LDB2: variants seen among roughly 807,000 people sequenced by gnomAD.
LDB2 encodes the protein LIM domain binding 2.
LDB2 carries 12 observed loss-of-function variants against 44.3 expected under a neutral mutation model. The observed-to-expected ratio is 0.27, with a 90% CI of 0.17 to 0.44. The LOEUF is 0.44. Ranked by LOEUF, LDB2 falls within the 20% of genes least tolerant of loss-of-function variation. The pLI is 1.00. For missense variants in LDB2, 344 were observed against 473.5 expected, an observed-to-expected ratio of 0.73 and a Z score of 2.54; for synonymous variants, 164 against 174.8, an observed-to-expected ratio of 0.94 and a Z score of 0.49.
intron 5 of LDB2, among the ~76,000 whole-genome samples, chr4:16,531,123 A>G (rs1482577225): frequency 6.6e-6 from 1 of 152,204 alleles, no homozygotes; most frequent in Admixed American, 6.5e-5. Context: ...AGCAAACAGC[A>G]GGTGCTCCAT....
intron 5 of LDB2, among the ~76,000 whole-genome samples, chr4:16,512,999 T>TC (rs1339550083): frequency 1.3e-5 from 2 of 152,350 alleles, no homozygotes; most frequent in African/African-American, 4.8e-5. Context: ...TGCACATTAA[T>TC]CACTATTGCA....
intron 5 of LDB2, among the ~76,000 whole-genome samples, chr4:16,571,172 G>A (rs1438588433): frequency 1.3e-5 from 2 of 152,198 alleles, no homozygotes; most frequent in Non-Finnish European, 1.5e-5. Flanking sequence ...GAGTGCAGTG[G>A]GCTGTCACCA....
At chr4:16,669,090 G>C (rs141047877) in intron 2 of LDB2, among the ~76,000 whole-genome samples, 1 of 152,338 alleles carries the variant, frequency 6.6e-6, no homozygotes, top group East Asian at 1.9e-4. Context: ...GCTGTTACCA[G>C]AAAGTGGAGA....
chr4:16,557,145 G>A (rs1560463885), intron 5 of LDB2, among the ~76,000 whole-genome samples: 2 of 152,224 alleles, frequency 1.3e-5, no homozygotes, highest in African/African-American at 4.8e-5. Context: ...CAGCGTGAGC[G>A]ACGCAGAAGA....
chr4:16,664,502 C>T lies in LDB2; in HGVS notation c.236-68627G>A, dbSNP rs1236342061. 4.6e-5 allele frequency among the ~76,000 whole-genome samples: 7 copies of T among 152,168 alleles called. No homozygotes were observed. In the South Asian group the frequency reaches 6.2e-4, roughly 14 times the overall value. ...AGAGTCAGGAACACTAAAATGAAGA[C>T]GTTAGTGGGAACTAAGACCCCCGTG... On this transcript the variant is annotated intron_variant, in intron 2 of 7. Transcript: ENST00000304523.
At chr4:16,587,706 C>T (rs2152428083) in intron 4 of LDB2, among the ~76,000 whole-genome samples, 2 of 152,198 alleles carry the variant, frequency 1.3e-5, no homozygotes, top group Middle Eastern at 6.8e-3. Context: ...AGGAGTGGGA[C>T]AGCTGGGAGA....
At chr4:16,614,926 C>A (rs373285658) in intron 2 of LDB2, among the ~76,000 whole-genome samples, 4 of 150,276 alleles carry the variant, frequency 2.7e-5, no homozygotes, top group Admixed American at 2.6e-4. Flanking sequence ...AAAAATTAGC[C>A]GGGCGTAGTG....
intron 2 of LDB2, among the ~76,000 whole-genome samples, chr4:16,679,924 T>C (rs943230547): frequency 6.6e-6 from 1 of 152,214 alleles, no homozygotes; most frequent in Non-Finnish European, 1.5e-5. Context: ...AACATCTTTC[T>C]CTTGTCCCTT....
chr4:16,669,275 T>C (rs1744111625), intron 2 of LDB2, among the ~76,000 whole-genome samples: 1 of 152,198 alleles, frequency 6.6e-6, no homozygotes, highest in South Asian at 2.1e-4. Context: ...CCAGTTCTTG[T>C]TCCTTGCCCT....
chr4:16,726,130 A>G (rs1016841693), intron 2 of LDB2, among the ~76,000 whole-genome samples: 8 of 152,126 alleles, frequency 5.3e-5, no homozygotes, highest in African/African-American at 1.9e-4. Context: ...TAATTTCCTA[A>G]TAAGTACTAA....
chr4:16,532,755 C>T (rs1378284121), intron 5 of LDB2, among the ~76,000 whole-genome samples: 1 of 152,176 alleles, frequency 6.6e-6, no homozygotes, highest in African/African-American at 2.4e-5. Context: ...TATGGTTCCC[C>T]AAACCCAATG....
chr4:16,590,721 C>G (rs1406642278), intron 3 of LDB2, among the ~76,000 whole-genome samples: 1 of 152,208 alleles, frequency 6.6e-6, no homozygotes, highest in Non-Finnish European at 1.5e-5. Context: ...AGACCTTTGC[C>G]TCAGATCCAA....
intron 5 of LDB2, among the ~76,000 whole-genome samples, chr4:16,515,246 G>A (rs116019186): frequency 2.0e-5 from 3 of 152,174 alleles, no homozygotes; most frequent in Non-Finnish European, 4.4e-5. Context: ...GGGTACATAT[G>A]GGCACAAAGA....
intron 2 of LDB2, among the ~76,000 whole-genome samples, chr4:16,677,775 T>G (rs1239234130): frequency 6.6e-6 from 1 of 152,200 alleles, no homozygotes; most frequent in East Asian, 1.9e-4. Context: ...GGAGATAAAC[T>G]GAAACTGTTC....
chr4:16,854,539 G>A (rs1788942014), intron 1 of LDB2, among the ~76,000 whole-genome samples: 1 of 129,074 alleles, frequency 7.7e-6, no homozygotes, highest in Non-Finnish European at 1.7e-5. Context: ...ACACACACAG[G>A]TGAAATATAT....
At chr4:16,820,632 G>A (rs976430954) in intron 1 of LDB2, among the ~76,000 whole-genome samples, 1 of 152,142 alleles carries the variant, frequency 6.6e-6, no homozygotes, top group African/African-American at 2.4e-5. Context: ...AATACGCCTG[G>A]CATGTTCTCT....
At chr4:16,606,218 A>T (rs1051466605) in intron 2 of LDB2, among the ~76,000 whole-genome samples, 1 of 152,172 alleles carries the variant, frequency 6.6e-6, no homozygotes, top group Non-Finnish European at 1.5e-5. Flanking sequence ...AGCTTTAAAT[A>T]TGTTAGTGTA....
intron 2 of LDB2, among the ~76,000 whole-genome samples, chr4:16,640,942 T>C (rs1734955769): frequency 6.6e-6 from 1 of 152,164 alleles, no homozygotes; most frequent in South Asian, 2.1e-4. Context: ...TTAAATTGAG[T>C]CAAATTTCAC....
chr4:16,504,724 G>A (rs1450202219), intron 7 of LDB2, among the ~76,000 whole-genome samples: 1 of 152,222 alleles, frequency 6.6e-6, no homozygotes, highest in African/African-American at 2.4e-5. Flanking sequence ...CTGGGCAGCT[G>A]CAGTGTTACC....
Sources: allele counts gnomAD v4.1 joint callset (sites outside exome capture counted in the v4.1 genomes callset), GRCh38; gene constraint gnomAD v4.1.1; transcripts MANE v1.5; gene names NCBI Gene and HGNC (gene_info 2026-07-23, HGNC 2026-07-21).